The following EDNRB variants were observed in gnomAD, a reference collection of about 807,000 sequenced individuals.
The protein encoded by EDNRB is Hirschsprung disease 2.
EDNRB carries 18 observed loss-of-function variants against 46.4 expected under a neutral mutation model. The ratio of observed to expected loss-of-function variants is 0.39; its 90% CI spans 0.27 to 0.57. The LOEUF (loss-of-function observed/expected upper bound fraction) is 0.57. Among genes scored for constraint, EDNRB ranks in the 20% least tolerant of loss-of-function variants. The probability of loss-of-function intolerance (pLI) is 0.61; values close to 1 mark genes in which losing one functional copy is unlikely to be tolerated. For missense variants in EDNRB, 434 were observed against 537.5 expected (o/e 0.81, Z 1.90); for synonymous variants, 213 against 204.9 (o/e 1.04, Z -0.34).
In EDNRB at chr13:77,896,593, T is replaced by G; in HGVS notation, c.*1607A>C. On this transcript the variant is annotated 3_prime_UTR_variant, in exon 7 of 7. Coordinates refer to ENST00000646607, the MANE Select transcript of EDNRB (RefSeq NM_001122659.3). ...GAAAAACAAAGTAAAAATTTGGGCATATTTTAAGACCGAGTTAAAGCTCTT... is the reference window on the plus strand; with the variant it reads ...GAAAAACAAAGTAAAAATTTGGGCAGATTTTAAGACCGAGTTAAAGCTCTT... 6.5e-7 allele frequency: 1 copy of G among 1,543,940 alleles called. No homozygotes were observed. Among genetic ancestry groups the G allele is most frequent in the African/African-American group, 1.4e-5 (1 of 72,736 alleles).
At position 77,896,384 on chromosome 13, in the gene EDNRB, T is replaced by C; in HGVS notation, c.*1816A>G. On this transcript the variant is annotated 3_prime_UTR_variant, in exon 7 of 7. Transcript: ENST00000646607. ...CAGGCCTCTGAAAAAGTGATTGGGATGAAATTAAAGAACAAGTTTGTGGGT... is the reference window on the plus strand; with the variant it reads ...CAGGCCTCTGAAAAAGTGATTGGGACGAAATTAAAGAACAAGTTTGTGGGT... The C allele has an allele frequency of 6.6e-7, 1 of 1,505,218 alleles. No individual in the cohort carries two copies. Among genetic ancestry groups the C allele is most frequent in the South Asian group, 1.4e-5 (1 of 73,670 alleles). The allele number at this position is 1,505,218 out of a possible 1,614,324, so 93.2% of individuals were successfully genotyped here. A position where few individuals can be genotyped will look rare whatever the true frequency, so the allele number is the denominator to read the frequency against.
chr13:77,898,477 A>G, intron 6 of EDNRB, 143 bp from the exon 7 acceptor site: 1 of 1,236,338 alleles, frequency 8.1e-7, no homozygotes, highest in Non-Finnish European at 1.1e-6. Context: ...TCCCTCTTAA[A>G]AGAATATAAT....
intron 1 of EDNRB, among the ~76,000 whole-genome samples, chr13:77,934,133 C>A (rs1449561119): frequency 1.3e-5 from 2 of 152,136 alleles, no homozygotes; most frequent in African/African-American, 4.8e-5. Context: ...TAATCAAGAG[C>A]AGGGCATGTA....
intron 1 of EDNRB, among the ~76,000 whole-genome samples, chr13:77,966,659 TCA>T (rs1423000660): frequency 6.6e-6 from 1 of 152,226 alleles, no homozygotes; most frequent in Non-Finnish European, 1.5e-5. Flanking sequence ...GGATGCTTTT[TCA>T]CAGTCTCCTA....
intron 1 of EDNRB, among the ~76,000 whole-genome samples, chr13:77,911,447 G>A (rs778952473): frequency 6.6e-6 from 1 of 152,002 alleles, no homozygotes; most frequent in South Asian, 2.1e-4. Context: ...AGAAGACAGC[G>A]TACAGTGTAA....
intron 1 of EDNRB, among the ~76,000 whole-genome samples, chr13:77,938,891 G>A (rs2137662179): frequency 6.6e-6 from 1 of 152,320 alleles, no homozygotes; most frequent in Middle Eastern, 3.4e-3. Context: ...CGAGGTCATA[G>A]GTGGATCTTT....
intron 1 of EDNRB, among the ~76,000 whole-genome samples, chr13:77,963,192 T>A (rs1373481273): frequency 6.6e-6 from 1 of 152,228 alleles, no homozygotes; most frequent in Non-Finnish European, 1.5e-5. Context: ...ATGTCCATAC[T>A]GCCCAAGTAA....
At chr13:77,924,562 A>G (rs1433423619), upstream of EDNRB, among the ~76,000 whole-genome samples, 1 of 152,240 alleles carries the variant, frequency 6.6e-6, no homozygotes, top group African/African-American at 2.4e-5. Context: ...TATAAAATTT[A>G]ACATCTTAAC....
Position 77,900,397 on chromosome 13 carries a change from A to C in EDNRB, c.1085+124T>G, listed in dbSNP as rs968193814. On this transcript the variant is annotated intron_variant, in intron 5 of 6. Coordinates refer to ENST00000646607, the MANE Select transcript of EDNRB (RefSeq NM_001122659.3). ...AACAGGACCTCAGATAAAAATTGGG[A>C]GTCTCCATGACTTCCTAAGGGTTAG... 14 of 1,360,624 alleles carry C rather than the reference A, an allele frequency of 1.0e-5. No individual in the cohort carries two copies. The African/African-American group carries it at 1.7e-4, about 17-fold the overall frequency. 84.3% of individuals were successfully genotyped at this position (1,360,624 alleles called of 1,614,324 possible).
intron 1 of EDNRB, among the ~76,000 whole-genome samples, chr13:77,966,415 T>G (rs1340431235): frequency 2.6e-5 from 4 of 152,194 alleles, no homozygotes; most frequent in Non-Finnish European, 5.9e-5. Context: ...CTTCTTTGTA[T>G]TCCCTCCTAC....
At chr13:77,931,086 A>G (rs1480962985) in intron 1 of EDNRB, among the ~76,000 whole-genome samples, 1 of 152,190 alleles carries the variant, frequency 6.6e-6, no homozygotes, top group Non-Finnish European at 1.5e-5. Context: ...GCCCAATGTC[A>G]TGATCATGTT....
intron 1 of EDNRB, among the ~76,000 whole-genome samples, chr13:77,968,305 T>TAA (rs1315546673): frequency 6.6e-6 from 1 of 152,176 alleles, no homozygotes; most frequent in Non-Finnish European, 1.5e-5. Context: ...TAGAATCCTT[T>TAA]TATATTAAGT....
intron 1 of EDNRB, among the ~76,000 whole-genome samples, chr13:77,908,942 G>A (rs1440791091): frequency 6.6e-6 from 1 of 151,980 alleles, no homozygotes; most frequent in East Asian, 1.9e-4. Context: ...ACTGGCACTG[G>A]TTTTCATATC....
In EDNRB at chr13:77,897,801, T is replaced by C. The variant is rs1414575438; in HGVS notation, c.*399A>G. 1.1e-5 allele frequency: 11 copies of C among 997,382 alleles called. No individual in the cohort carries two copies. Among genetic ancestry groups the C allele is most frequent in the Non-Finnish European group, 1.3e-5 (11 of 836,500 alleles). The allele number at this position is 997,382 out of a possible 1,614,324, so 61.8% of individuals were successfully genotyped here. ...ATTTAAGCTTCATTTAAAAGTTCTG[T>C]TTTACAGTGACTTATTCTTCCTTTA... On this transcript the variant is annotated 3_prime_UTR_variant, in exon 7 of 7. Transcript: ENST00000646607.
intron 1 of EDNRB, among the ~76,000 whole-genome samples, chr13:77,959,036 A>G (rs1881322508): frequency 6.6e-6 from 1 of 152,218 alleles, no homozygotes; most frequent in South Asian, 2.1e-4. Context: ...ATGATCTCTC[A>G]TAAGTGTACT....
chr13:77,913,537 T>A (rs1444466682), intron 1 of EDNRB, among the ~76,000 whole-genome samples: 1 of 152,174 alleles, frequency 6.6e-6, no homozygotes, highest in Non-Finnish European at 1.5e-5. Flanking sequence ...TCTTTACACA[T>A]AAAGGAAGCT....
chr13:77,919,518 G>C (rs774758814), upstream of EDNRB: 6 of 1,612,796 alleles, frequency 3.7e-6, no homozygotes, highest in Non-Finnish European at 4.2e-6. Flanking sequence ...GCTGCAGGCG[G>C]GTCCGGCTCT....
intron 1 of EDNRB, among the ~76,000 whole-genome samples, chr13:77,972,581 C>T (rs577380259): frequency 1.2e-4 from 18 of 152,236 alleles, no homozygotes; most frequent in East Asian, 5.8e-4. Flanking sequence ...CCCGATTAAA[C>T]GGTCCTAGTT....
At chr13:77,955,444 T>C (rs1024905875) in intron 1 of EDNRB, among the ~76,000 whole-genome samples, 1 of 152,206 alleles carries the variant, frequency 6.6e-6, no homozygotes, top group African/African-American at 2.4e-5. Flanking sequence ...TTTAATTGTT[T>C]CCTTTGCCAT....
Sources: allele counts gnomAD v4.1 joint callset (sites outside exome capture counted in the v4.1 genomes callset), GRCh38; gene constraint gnomAD v4.1.1; transcripts MANE v1.5; gene names NCBI Gene and HGNC (gene_info 2026-07-23, HGNC 2026-07-21).